ATP8A2: variants seen among roughly 807,000 people sequenced by gnomAD.
The protein encoded by ATP8A2 is phospholipid-transporting ATPase IB.
ATP8A2 carries 100 observed loss-of-function variants against 165.6 expected under a neutral mutation model. That is an observed-to-expected ratio of 0.60 (90% CI 0.51 to 0.71). The LOEUF (loss-of-function observed/expected upper bound fraction) is 0.71, where lower values mean the gene tolerates loss of function less well. Among genes scored for constraint, ATP8A2 ranks in the 30% least tolerant of loss-of-function variants. The pLI, the probability that ATP8A2 is intolerant of heterozygous loss-of-function variation, is 0.00. For missense variants in ATP8A2, 1,227 were observed against 1,479.5 expected, an observed-to-expected ratio of 0.83 and a Z score of 2.80; for synonymous variants, 543 against 548.8, an observed-to-expected ratio of 0.99 and a Z score of 0.15.
chr13:25,815,755 T>A (rs897964034), intron 27 of ATP8A2, among the ~76,000 whole-genome samples: 2 of 152,198 alleles, frequency 1.3e-5, no homozygotes, highest in Admixed American at 1.3e-4. Context: ...AGCAGCATTA[T>A]TCACAGTAGC....
rs950405232 is a variant in ATP8A2, at chr13:25,476,073, A to G, written c.221+6952A>G. On this transcript the variant is annotated intron_variant, in intron 2 of 36. Transcript: ENST00000381655. ...GAATATTTTTGTCTTAAGGAGTAAA[A>G]AGAACAAAATAATCTTCAGTAACCA... Among the ~76,000 whole-genome samples, 3 of 152,182 alleles carry G rather than the reference A, an allele frequency of 2.0e-5. No individual in the cohort carries two copies. In the East Asian group the frequency reaches 5.8e-4, roughly 29 times the overall value.
In ATP8A2 at chr13:25,912,161, C is replaced by G. The variant is rs999589745; in HGVS notation, c.3184-49414C>G. Reference sequence around the variant, plus strand: ...ATGGATAAAGAAAATGTGAGACACACACACACACACACACACACACACACA... The same window carrying G: ...ATGGATAAAGAAAATGTGAGACACAGACACACACACACACACACACACACA... On this transcript the variant is annotated intron_variant, in intron 33 of 36. Coordinates refer to ENST00000381655, the MANE Select transcript of ATP8A2 (RefSeq NM_016529.6). Among the ~76,000 whole-genome samples the G allele has an allele frequency of 2.4e-5, 3 of 126,464 alleles. No individual in the cohort carries two copies. The Admixed American group carries it at 2.8e-4, about 12-fold the overall frequency. 83.0% of individuals were successfully genotyped at this position (126,464 alleles called of 152,430 possible).
At position 25,756,128 on chromosome 13, in the gene ATP8A2, A is replaced by G. The variant is rs79943035; in HGVS notation, c.2385-12918A>G. 9.5e-3 allele frequency among the ~76,000 whole-genome samples: 1,450 copies of G among 152,284 alleles called. 28 individuals carry two copies. Among genetic ancestry groups the G allele is most frequent in the African/African-American group, 0.033 (1,379 of 41,564 alleles). On this transcript the variant is annotated intron_variant, in intron 25 of 36. Transcript: ENST00000381655. ...GCCTGGATGGTGTCCTCACAGAGGC[A>G]GGGGGATGGTGCTCCAGGATAGCAT...
At chr13:25,733,302 G>A (rs757867864) in intron 25 of ATP8A2, among the ~76,000 whole-genome samples, 10 of 152,084 alleles carry the variant, frequency 6.6e-5, no homozygotes, top group African/African-American at 2.2e-4. Flanking sequence ...AATAAGAGAC[G>A]CTTATTGTAG....
chr13:25,919,847 C>T (rs1462150951), intron 33 of ATP8A2, among the ~76,000 whole-genome samples: 1 of 152,144 alleles, frequency 6.6e-6, no homozygotes, highest in Non-Finnish European at 1.5e-5. Flanking sequence ...CTCACTATAA[C>T]CTCGATCATA....
At chr13:26,011,247 C>CTT (rs1446007489) in intron 35 of ATP8A2, among the ~76,000 whole-genome samples, 4 of 152,180 alleles carry the variant, frequency 2.6e-5, no homozygotes, top group African/African-American at 9.7e-5. Flanking sequence ...AGTCCATACT[C>CTT]GAGCTACTTA....
chr13:25,732,138 C>A (rs532969314), intron 25 of ATP8A2, among the ~76,000 whole-genome samples: 2 of 152,306 alleles, frequency 1.3e-5, no homozygotes, highest in South Asian at 4.1e-4. Flanking sequence ...CTGAGCTTTT[C>A]CCTGCTTTAC....
chr13:25,830,198 A>G (rs1951427087), intron 28 of ATP8A2, among the ~76,000 whole-genome samples: 1 of 151,812 alleles, frequency 6.6e-6, no homozygotes. Flanking sequence ...TTTTTTGTGG[A>G]AATGGGGTCT....
intron 24 of ATP8A2, among the ~76,000 whole-genome samples, chr13:25,633,055 A>G (rs11843560): frequency 6.6e-6 from 1 of 152,224 alleles, no homozygotes; most frequent in Non-Finnish European, 1.5e-5. Flanking sequence ...TTTGATTCTC[A>G]AAGTATTGAA....
chr13:25,842,154 A>G (rs1177625816), intron 30 of ATP8A2, among the ~76,000 whole-genome samples: 4 of 152,212 alleles, frequency 2.6e-5, no homozygotes, highest in Non-Finnish European at 4.4e-5. Context: ...ATAAAATGCT[A>G]TTAGATATCA....
chr13:25,514,085 G>A (rs914387800), intron 2 of ATP8A2, among the ~76,000 whole-genome samples: 1 of 151,956 alleles, frequency 6.6e-6, no homozygotes, highest in South Asian at 2.1e-4. Context: ...CTTTTATTTT[G>A]CATCTTGTTT....
Position 25,583,642 on chromosome 13 carries a change from A to G in ATP8A2, c.2146+1685A>G, listed in dbSNP as rs552492436. ...TGTTCATTTTATTATACCTGAGCCT[A>G]TCTAGCTAAGTTTGGGATAAACACA... On this transcript the variant is annotated intron_variant, in intron 23 of 36. Coordinates refer to ENST00000381655, the MANE Select transcript of ATP8A2 (RefSeq NM_016529.6). Among the ~76,000 whole-genome samples, 4 of 152,274 alleles carry G rather than the reference A, an allele frequency of 2.6e-5. No individual in the cohort carries two copies. In the East Asian group the frequency reaches 7.7e-4, roughly 29 times the overall value.
chr13:25,805,537 A>G (rs921049987), intron 27 of ATP8A2, among the ~76,000 whole-genome samples: 1 of 152,140 alleles, frequency 6.6e-6, no homozygotes, highest in African/African-American at 2.4e-5. Flanking sequence ...AAAAAGAGTA[A>G]CAAAGTAAGA....
At chr13:25,477,597 C>T (rs902288116) in intron 2 of ATP8A2, among the ~76,000 whole-genome samples, 8 of 152,112 alleles carry the variant, frequency 5.3e-5, no homozygotes, top group African/African-American at 1.2e-4. Context: ...GGAAACTGGA[C>T]GAAGGATAGA....
At chr13:25,956,858 T>G (rs1165175224) in intron 33 of ATP8A2, among the ~76,000 whole-genome samples, 2 of 152,230 alleles carry the variant, frequency 1.3e-5, no homozygotes, top group African/African-American at 2.4e-5. Flanking sequence ...TCACACTACC[T>G]GACTTCAAAC....
chr13:25,622,621 C>T (rs2040999671), intron 24 of ATP8A2, among the ~76,000 whole-genome samples: 2 of 152,078 alleles, frequency 1.3e-5, no homozygotes, highest in Non-Finnish European at 2.9e-5. Flanking sequence ...TGACAGGAGG[C>T]CACAAATAGA....
At chr13:26,003,438 T>C (rs1239375800) in intron 35 of ATP8A2, among the ~76,000 whole-genome samples, 1 of 152,144 alleles carries the variant, frequency 6.6e-6, no homozygotes, top group Non-Finnish European at 1.5e-5. Flanking sequence ...TCTTATCAGA[T>C]GTATAGCTTG....
At chr13:25,748,191 A>G (rs1322891743) in intron 25 of ATP8A2, among the ~76,000 whole-genome samples, 1 of 152,218 alleles carries the variant, frequency 6.6e-6, no homozygotes. Flanking sequence ...ATTAAGAACA[A>G]TTTCACTCAT....
intron 25 of ATP8A2, among the ~76,000 whole-genome samples, chr13:25,736,854 C>A (rs542657974): frequency 1.2e-3 from 185 of 151,986 alleles, no homozygotes; most frequent in Non-Finnish European, 2.0e-3. Context: ...GACAGGCACC[C>A]CAGGGAATAT....
Sources: gnomAD v4.1 joint callset for allele counts (sites outside exome capture counted in the v4.1 genomes callset) on GRCh38, gnomAD v4.1.1 for gene constraint, MANE v1.5 for transcripts, NCBI Gene and HGNC (gene_info 2026-07-23, HGNC 2026-07-21) for gene names.